DLC1: variants seen among roughly 807,000 people sequenced by gnomAD.
DLC1 encodes rho GTPase-activating protein 7.
In DLC1, 54 loss-of-function variants were observed where a neutral mutation model predicts 140.3. That is an observed-to-expected ratio of 0.38 (90% CI 0.31 to 0.48). The LOEUF is 0.48. Ranked by LOEUF, DLC1 falls within the 20% of genes least tolerant of loss-of-function variation. DLC1 has a pLI of 0.96. For synonymous variants in DLC1, 986 were observed against 728.1 expected, an observed-to-expected ratio of 1.35 and a Z score of -5.70; for missense variants, 2,536 against 1,907.0, an observed-to-expected ratio of 1.33 and a Z score of -6.14.
chr8:13,521,928 A>C (rs939063561), intron 1 of DLC1, among the ~76,000 whole-genome samples: 1 of 152,210 alleles, frequency 6.6e-6, no homozygotes, highest in African/African-American at 2.4e-5. Flanking sequence ...TTGTCAATGC[A>C]GTACCCACAT....
chr8:13,456,722 G>A (rs1799407454), intron 2 of DLC1, among the ~76,000 whole-genome samples: 1 of 152,180 alleles, frequency 6.6e-6, no homozygotes, highest in African/African-American at 2.4e-5. Flanking sequence ...GCTTCCCAAA[G>A]TGCTGGGATT....
chr8:13,511,082 G>A (rs1226601632), intron 1 of DLC1, among the ~76,000 whole-genome samples: 2 of 151,928 alleles, frequency 1.3e-5, no homozygotes, highest in African/African-American at 4.8e-5. Flanking sequence ...TAATTGCTGG[G>A]AATAAAAGAA....
chr8:13,320,105 C>T (rs1833032584), intron 4 of DLC1, among the ~76,000 whole-genome samples: 2 of 152,136 alleles, frequency 1.3e-5, no homozygotes, highest in African/African-American at 2.4e-5. Context: ...GCCACCATGC[C>T]TGGCCCATTA....
intron 4 of DLC1, among the ~76,000 whole-genome samples, chr8:13,335,586 C>T (rs1012559926): frequency 1.3e-5 from 2 of 152,120 alleles, no homozygotes; most frequent in Non-Finnish European, 2.9e-5. Flanking sequence ...AACTAACATC[C>T]TCATTTTCCT....
intron 5 of DLC1, among the ~76,000 whole-genome samples, chr8:13,143,193 G>C (rs1823142041): frequency 1.3e-5 from 2 of 152,084 alleles, no homozygotes; most frequent in Non-Finnish European, 2.9e-5. Context: ...CTGATATTAA[G>C]AACAAACAAA....
At chr8:13,384,645 G>C (rs1259500489) in intron 4 of DLC1, among the ~76,000 whole-genome samples, 2 of 152,094 alleles carry the variant, frequency 1.3e-5, no homozygotes, top group Non-Finnish European at 2.9e-5. Context: ...CTAAAACCCT[G>C]TGTTCTAAAG....
chr8:13,142,347 T>C (rs1197661650), intron 5 of DLC1, among the ~76,000 whole-genome samples: 1 of 152,256 alleles, frequency 6.6e-6, no homozygotes, highest in Non-Finnish European at 1.5e-5. Context: ...ATCTCTATTA[T>C]ACAGATTTTC....
chr8:13,131,109 G>T (rs538680270), intron 5 of DLC1, among the ~76,000 whole-genome samples: 2 of 152,262 alleles, frequency 1.3e-5, no homozygotes, highest in Non-Finnish European at 2.9e-5. Flanking sequence ...GATTAGAGGG[G>T]CTGCTGCCTT....
At chr8:13,453,442 A>G (rs1164745049) in intron 2 of DLC1, among the ~76,000 whole-genome samples, 37 of 31,592 alleles carry the variant, frequency 1.2e-3, no homozygotes, top group Non-Finnish European at 1.6e-3. Flanking sequence ...ATATATGTAT[A>G]TATATACATA....
At chr8:13,545,492 T>C (rs1250573612) in intron 1 of DLC1, among the ~76,000 whole-genome samples, 1 of 152,078 alleles carries the variant, frequency 6.6e-6, no homozygotes, top group Non-Finnish European at 1.5e-5. Flanking sequence ...TTTTTCCATG[T>C]CCAAATTGGA....
chr8:13,552,648 C>A (rs1199823683), intron 1 of DLC1, among the ~76,000 whole-genome samples: 7 of 151,484 alleles, frequency 4.6e-5, no homozygotes, highest in Non-Finnish European at 7.4e-5. Flanking sequence ...GTATTAATTT[C>A]TGAGAATATT....
chr8:13,252,814 T>C lies in DLC1; in HGVS notation c.1348+52455A>G, dbSNP rs192324809. 7.9e-5 allele frequency among the ~76,000 whole-genome samples: 12 copies of C among 152,302 alleles called. No homozygotes were observed. In the East Asian group the frequency reaches 2.1e-3, roughly 27 times the overall value. On this transcript the variant is annotated intron_variant, in intron 5 of 17. Coordinates refer to ENST00000276297, the MANE Select transcript of DLC1 (RefSeq NM_182643.3). ...TGCCCTCTTAAGGTCTCTGACCAAA[T>C]AGTAATGACACAGGAAAGGGAGGAA...
chr8:13,228,918 A>G (rs920991378), intron 5 of DLC1, among the ~76,000 whole-genome samples: 5 of 152,222 alleles, frequency 3.3e-5, no homozygotes, highest in Non-Finnish European at 7.3e-5. Context: ...GGTGGCTACA[A>G]TAAAAATGAC....
intron 5 of DLC1, among the ~76,000 whole-genome samples, chr8:13,257,737 A>G (rs1830300623): frequency 6.6e-6 from 1 of 151,216 alleles, no homozygotes; most frequent in Non-Finnish European, 1.5e-5. Context: ...AAAAAAAACC[A>G]TAAACACAAT....
chr8:13,198,063 C>CAACAGAATGAAACCCTGTCTCAAAAAA (rs1827168040), intron 5 of DLC1, among the ~76,000 whole-genome samples: 1 of 149,826 alleles, frequency 6.7e-6, no homozygotes, highest in Non-Finnish European at 1.5e-5. Context: ...TCAGTCCCGG[C>CAACAGAATGAAACCCTGTCTCAAAAAA]AACAGAATGA....
Position 13,490,510 on chromosome 8 carries a change from T to C in DLC1, c.1023+8539A>G, listed in dbSNP as rs991327868. 5.3e-5 allele frequency among the ~76,000 whole-genome samples: 8 copies of C among 152,352 alleles called. 1 individual carries two copies. Among genetic ancestry groups the C allele is most frequent in the Admixed American group, 2.0e-4 (3 of 15,302 alleles). ...CAGATCCTGTTGGCACCACTGTGTC[T>C]GGTACCCAGATAAGAGGCAGGACTC... On this transcript the variant is annotated intron_variant, in intron 2 of 17. Coordinates refer to ENST00000276297, the MANE Select transcript of DLC1 (RefSeq NM_182643.3).
chr8:13,351,599 G>A (rs548358017), intron 4 of DLC1, among the ~76,000 whole-genome samples: 89 of 152,258 alleles, frequency 5.8e-4, no homozygotes, highest in African/African-American at 2.0e-3. Context: ...AGTGTCCACT[G>A]GAACACATCC....
At chr8:13,573,244 A>T (rs1305115658) in intron 1 of DLC1, among the ~76,000 whole-genome samples, 5 of 152,268 alleles carry the variant, frequency 3.3e-5, no homozygotes, top group Middle Eastern at 3.4e-3. Context: ...AAATTTTTTT[A>T]AAAAATTCTT....
intron 2 of DLC1, among the ~76,000 whole-genome samples, chr8:13,437,194 A>C (rs571557436): frequency 1.3e-5 from 2 of 152,322 alleles, no homozygotes; most frequent in South Asian, 4.1e-4. Context: ...AGGCTCTAGA[A>C]AACAGGCTCA....
Sources: gnomAD v4.1 joint callset for allele counts (sites outside exome capture counted in the v4.1 genomes callset) on GRCh38, gnomAD v4.1.1 for gene constraint, MANE v1.5 for transcripts, NCBI Gene and HGNC (gene_info 2026-07-23, HGNC 2026-07-21) for gene names.